Variants in TMEM100 observed in about 807,000 individuals in gnomAD.
TMEM100 encodes transmembrane protein 100.
For missense variants in TMEM100, 137 were observed against 168.2 expected (o/e 0.81, Z 1.02); for synonymous variants, 61 against 67.1 (o/e 0.91, Z 0.44).
At chr17:55,723,126 C>T (rs1030980525), upstream of TMEM100, 1 of 152,728 alleles carries the variant, frequency 6.5e-6, no homozygotes, top group Non-Finnish European at 1.5e-5. Flanking sequence ...CCCCCGCCGA[C>T]CTCCAGATCT....
exon 1 of TMEM100, chr17:55,731,693 A>C (rs1249360822): frequency 2.0e-5 from 3 of 152,196 alleles, no homozygotes; most frequent in African/African-American, 7.2e-5. Context: ...ATAGTCATCT[A>C]TTTCCATGTG....
In TMEM100 at chr17:55,720,976, G is replaced by A. The variant is rs1383713493; in HGVS notation, c.95C>T (p.Thr32Ile). The A allele has an allele frequency of 6.2e-7, 1 of 1,614,202 alleles. No homozygotes were observed. The highest frequency in any genetic ancestry group is 8.5e-7 in the Non-Finnish European group (1 of 1,180,028). The change falls in exon 2 of 2, where the codon ACC becomes ATC. Residue 32 changes from threonine (T) to isoleucine (I), a missense_variant. Thr to Ile is a moderately conservative substitution (Grantham distance 89). Transcript: ENST00000424486. ...EKSPKSEVVI[T>I]TVPLVSEIQL... ...AATCTCACTGACCAGAGGGACTGTG[G>A]TGATCACAACTTCACTCTTGGGGCT...
At chr17:55,731,749 G>A (rs1449712827) in exon 1 of TMEM100, 9 of 152,176 alleles carry the variant, frequency 5.9e-5, no homozygotes, top group Non-Finnish European at 1.3e-4. Context: ...GCAGCACAAA[G>A]GTTTTCTTCA....
chr17:55,729,424 G>A (rs1366037613), intron 1 of TMEM100, among the ~76,000 whole-genome samples: 1 of 152,214 alleles, frequency 6.6e-6, no homozygotes, highest in African/African-American at 2.4e-5. Flanking sequence ...AGGACAAGGA[G>A]TAGATGTGGG....
upstream of TMEM100, among the ~76,000 whole-genome samples, chr17:55,723,262 A>G (rs1470019581): frequency 3.9e-5 from 6 of 151,918 alleles, no homozygotes. Context: ...GTCATCAGGC[A>G]GCTGAATTCA....
At chr17:55,727,143 C>A (rs560340212), upstream of TMEM100, among the ~76,000 whole-genome samples, 6 of 152,274 alleles carry the variant, frequency 3.9e-5, no homozygotes, top group South Asian at 1.2e-3. Flanking sequence ...CTCACTTCAA[C>A]AAGAACTAAT....
chr17:55,728,707 G>A (rs1323140530), intron 1 of TMEM100, among the ~76,000 whole-genome samples: 3 of 152,186 alleles, frequency 2.0e-5, no homozygotes, highest in African/African-American at 7.2e-5. Context: ...AAGTCACAGG[G>A]ACACCAACGT....
intron 1 of TMEM100, among the ~76,000 whole-genome samples, chr17:55,731,376 G>A (rs976095390): frequency 1.3e-5 from 2 of 152,084 alleles, no homozygotes; most frequent in Middle Eastern, 3.2e-3. Flanking sequence ...ATTAAAATTA[G>A]CCATTAACTG....
intron 1 of TMEM100, among the ~76,000 whole-genome samples, chr17:55,730,209 T>C (rs1444567881): frequency 6.6e-6 from 1 of 152,128 alleles, no homozygotes; most frequent in East Asian, 1.9e-4. Flanking sequence ...TTTGCATGCT[T>C]AGAAAGTCAT....
upstream of TMEM100, among the ~76,000 whole-genome samples, chr17:55,726,612 G>A (rs1023458885): frequency 6.6e-6 from 1 of 152,140 alleles, no homozygotes; most frequent in Non-Finnish European, 1.5e-5. Flanking sequence ...CAGCAGCCTT[G>A]AGGATGCCAG....
chr17:55,721,283 T>C (rs1908878972), intron 1 of TMEM100, 148 bp from the exon 2 acceptor site: 3 of 557,504 alleles, frequency 5.4e-6, no homozygotes, highest in African/African-American at 1.9e-5. Context: ...GGTTGCATTC[T>C]CTTTGCATTT....
chr17:55,723,353 A>T (rs183761769), upstream of TMEM100, among the ~76,000 whole-genome samples: 1 of 151,786 alleles, frequency 6.6e-6, no homozygotes, highest in Non-Finnish European at 1.5e-5. Flanking sequence ...GAAGCTTAAA[A>T]CCCCACTTGT....
chr17:55,723,425 A>G (rs1309471305), upstream of TMEM100, among the ~76,000 whole-genome samples: 1 of 152,212 alleles, frequency 6.6e-6, no homozygotes, highest in African/African-American at 2.4e-5. Flanking sequence ...TAAGGGGGAA[A>G]GCCAGTTATA....
chr17:55,723,089 T>C (rs118090190), upstream of TMEM100: 405 of 152,546 alleles, frequency 2.7e-3, 3 homozygotes, highest in Non-Finnish European at 4.4e-3. Context: ...AGCGGACTGC[T>C]TTGTGAATTT....
intron 1 of TMEM100, 45 bp from the exon 2 acceptor site, chr17:55,721,180 C>T: frequency 7.6e-7 from 1 of 1,320,560 alleles, no homozygotes; most frequent in Non-Finnish European, 1.0e-6. Context: ...TCAGAATGTA[C>T]ACCCTGTAAG....
At chr17:55,726,615 G>A (rs951787355), upstream of TMEM100, among the ~76,000 whole-genome samples, 2 of 152,068 alleles carry the variant, frequency 1.3e-5, no homozygotes, top group Non-Finnish European at 2.9e-5. Context: ...CAGCCTTGAG[G>A]ATGCCAGTTC....
upstream of TMEM100, among the ~76,000 whole-genome samples, chr17:55,726,741 T>C (rs1909085323): frequency 6.6e-6 from 1 of 152,190 alleles, no homozygotes; most frequent in Non-Finnish European, 1.5e-5. Flanking sequence ...ATGCTTCTTT[T>C]AAGGGTGTGC....
upstream of TMEM100, among the ~76,000 whole-genome samples, chr17:55,725,849 G>C (rs552960298): frequency 6.6e-6 from 1 of 151,800 alleles, no homozygotes; most frequent in Admixed American, 6.6e-5. Flanking sequence ...AATTTGCAAG[G>C]TTTTTCCTAT....
rs1048809728 is a variant in TMEM100 at position 55,720,209 on chromosome 17, A to G, written c.*457T>C. The stretch of plus-strand genomic sequence containing the variant: ...CCAGTGAATCAATGTATTGAAAAAA[A>G]TTATCACAGAATTTCATAGACATAT... On this transcript the variant is annotated 3_prime_UTR_variant, in exon 2 of 2. Coordinates refer to ENST00000424486, the MANE Select transcript of TMEM100 (RefSeq NM_018286.3). 6 of 154,502 alleles carry G rather than the reference A, an allele frequency of 3.9e-5. No homozygotes were observed. Among genetic ancestry groups the G allele is most frequent in the African/African-American group, 1.4e-4 (6 of 41,526 alleles). The allele number at this position is 154,502 out of a possible 1,614,324, so 9.6% of individuals were successfully genotyped here. A position where few individuals can be genotyped will look rare whatever the true frequency, so the allele number is the denominator to read the frequency against.
Sources: gnomAD v4.1 joint callset for allele counts (sites outside exome capture counted in the v4.1 genomes callset) on GRCh38, gnomAD v4.1.1 for gene constraint, MANE v1.5 for transcripts, NCBI Gene and HGNC (gene_info 2026-07-23, HGNC 2026-07-21) for gene names.